GALNT13: variants seen among roughly 807,000 people sequenced by gnomAD.
GALNT13 encodes the protein polypeptide N-acetylgalactosaminyltransferase 13.
In GALNT13, 28 loss-of-function variants were observed where a neutral mutation model predicts 64.2. The ratio of observed to expected loss-of-function variants is 0.44; its 90% CI spans 0.32 to 0.60. The LOEUF (loss-of-function observed/expected upper bound fraction) is 0.60, where lower values mean the gene tolerates loss of function less well. GALNT13 is among the 20% of genes least tolerant of loss of function. GALNT13 has a pLI of 0.05. For missense variants in GALNT13, 577 were observed against 669.8 expected (o/e 0.86, Z 1.53); for synonymous variants, 214 against 224.6 (o/e 0.95, Z 0.42).
the GALNT13 span, among the ~76,000 whole-genome samples, chr2:153,119,865 C>T: frequency 1.3e-5 from 2 of 152,154 alleles, no homozygotes; most frequent in African/African-American, 2.4e-5. Context: ...TATCTTAACA[C>T]GTGTTCTACG....
intron 8 of GALNT13, among the ~76,000 whole-genome samples, chr2:154,281,819 C>T (rs1691978143): frequency 1.3e-5 from 2 of 151,828 alleles, no homozygotes; most frequent in Admixed American, 6.6e-5. Context: ...TTCCGCACCC[C>T]CACTCTGCCC....
intron 3 of GALNT13, among the ~76,000 whole-genome samples, chr2:153,965,119 A>G (rs555375199): frequency 5.9e-5 from 9 of 152,314 alleles, no homozygotes; most frequent in African/African-American, 1.9e-4. Context: ...ATATTTTGAT[A>G]CAAGCATACA....
chr2:153,184,708 C>A, the GALNT13 span, among the ~76,000 whole-genome samples: 2 of 151,866 alleles, frequency 1.3e-5, no homozygotes, highest in Non-Finnish European at 2.9e-5. Flanking sequence ...AGGCCTTTAC[C>A]GCATCTATTG....
chr2:154,375,360 G>C (rs550445583), intron 9 of GALNT13, among the ~76,000 whole-genome samples: 2 of 152,196 alleles, frequency 1.3e-5, no homozygotes, highest in Non-Finnish European at 2.9e-5. Context: ...GCTATACATA[G>C]GGACAAGGAG....
chr2:154,342,331 T>A (rs916305344), intron 9 of GALNT13, among the ~76,000 whole-genome samples: 4 of 152,072 alleles, frequency 2.6e-5, no homozygotes, highest in African/African-American at 9.7e-5. Context: ...AAAATGTGAT[T>A]GAGTTCTTAA....
Position 154,438,673 on chromosome 2 carries a change from A to C in GALNT13, c.1477A>C (p.Met493Leu). Residue 493 changes from methionine (M) to leucine (L), a missense_variant, in exon 12 of 13, where the codon ATG (methionine) becomes CTG (leucine). Transcript: ENST00000392825. ...TTCTAGACTCAATGGACCTGTAATC[A>C]TGTTAAAATGCCACCATATGAGAGG... ...DVSRLNGPVI[M>L]LKCHHMRGNQ... The C allele has an allele frequency of 1.2e-6, 2 of 1,611,924 alleles. No homozygotes were observed. Among genetic ancestry groups the C allele is most frequent in the Non-Finnish European group, 1.7e-6 (2 of 1,178,162 alleles).
At chr2:153,853,061 C>A in the GALNT13 span, among the ~76,000 whole-genome samples, 2 of 152,206 alleles carry the variant, frequency 1.3e-5, no homozygotes, top group South Asian at 2.1e-4. Flanking sequence ...GAGCCCCTGG[C>A]AAACCACTGG....
chr2:154,091,708 T>G (rs1460427207), intron 3 of GALNT13, among the ~76,000 whole-genome samples: 2 of 151,980 alleles, frequency 1.3e-5, no homozygotes, highest in Non-Finnish European at 2.9e-5. Context: ...TTTATAAAAA[T>G]GTTAGTAAAC....
At chr2:153,119,298 G>A in the GALNT13 span, among the ~76,000 whole-genome samples, 1 of 152,000 alleles carries the variant, frequency 6.6e-6, no homozygotes, top group Non-Finnish European at 1.5e-5. Context: ...TTTAGACACA[G>A]GGCTTATTAA....
chr2:154,411,814 A>G (rs1370751987), intron 11 of GALNT13, among the ~76,000 whole-genome samples: 2 of 151,710 alleles, frequency 1.3e-5, no homozygotes, highest in Non-Finnish European at 3.0e-5. Flanking sequence ...CTAGAAGAAC[A>G]TTGTTGTGTT....
At chr2:153,944,767 T>TA (rs924548744) in intron 3 of GALNT13, 128 bp downstream of exon 3, 1 of 688,824 alleles carries the variant, frequency 1.5e-6, no homozygotes, top group African/African-American at 1.8e-5. Flanking sequence ...GCAGCACTAT[T>TA]AATGCATGTT....
intron 4 of GALNT13, among the ~76,000 whole-genome samples, chr2:154,225,418 C>T (rs554562301): frequency 2.0e-5 from 3 of 151,990 alleles, no homozygotes; most frequent in Non-Finnish European, 2.9e-5. Flanking sequence ...ACTGCAACAA[C>T]CCTTGTAGTG....
the GALNT13 span, among the ~76,000 whole-genome samples, chr2:153,542,202 C>T: frequency 6.6e-6 from 1 of 152,052 alleles, no homozygotes; most frequent in African/African-American, 2.4e-5. Flanking sequence ...GGTCTGTAAT[C>T]CCAGCTACTT....
chr2:154,415,707 A>G (rs556640696), intron 11 of GALNT13, among the ~76,000 whole-genome samples: 37 of 152,300 alleles, frequency 2.4e-4, no homozygotes, highest in Non-Finnish European at 4.1e-4. Context: ...ACTTTGTTTC[A>G]TTACAGATCC....
intron 9 of GALNT13, among the ~76,000 whole-genome samples, chr2:154,389,649 T>C (rs958982833): frequency 6.6e-6 from 1 of 152,182 alleles, no homozygotes; most frequent in Non-Finnish European, 1.5e-5. Context: ...GCCAGGGGTT[T>C]GGTCTAAGGC....
At chr2:154,250,443 T>C (rs1260379103) in intron 7 of GALNT13, among the ~76,000 whole-genome samples, 1 of 152,120 alleles carries the variant, frequency 6.6e-6, no homozygotes, top group Admixed American at 6.5e-5. Context: ...CTATTTTTTT[T>C]GTTGACTAAA....
At chr2:153,941,571 T>C (rs1691343814) in intron 2 of GALNT13, among the ~76,000 whole-genome samples, 1 of 152,296 alleles carries the variant, frequency 6.6e-6, no homozygotes, top group Non-Finnish European at 1.5e-5. Flanking sequence ...AGAAACATAA[T>C]ACAGATGCTG....
chr2:153,823,776 AT>A, the GALNT13 span, among the ~76,000 whole-genome samples: 1 of 152,218 alleles, frequency 6.6e-6, no homozygotes, highest in Non-Finnish European at 1.5e-5. Flanking sequence ...GTGGGATCTA[AT>A]TAAACTAAAG....
chr2:153,262,477 C>A, the GALNT13 span, among the ~76,000 whole-genome samples: 1 of 152,236 alleles, frequency 6.6e-6, no homozygotes, highest in Non-Finnish European at 1.5e-5. Flanking sequence ...TACCAAAAAC[C>A]TGGCAGAAAT....
Sources: gnomAD v4.1 joint callset for allele counts (sites outside exome capture counted in the v4.1 genomes callset) on GRCh38, gnomAD v4.1.1 for gene constraint, MANE v1.5 for transcripts, NCBI Gene and HGNC (gene_info 2026-07-23, HGNC 2026-07-21) for gene names.